TYK2: variants seen among roughly 807,000 people sequenced by gnomAD.
The protein encoded by TYK2 is non-receptor tyrosine-protein kinase TYK2.
A neutral mutation model predicts 130.9 loss-of-function variants in TYK2; 65 were observed. That is an observed-to-expected ratio of 0.50 (90% CI 0.41 to 0.61). The LOEUF is 0.61. Ranked by LOEUF, TYK2 falls within the 20% of genes least tolerant of loss-of-function variation. TYK2 has a pLI of 0.00. For synonymous variants in TYK2, 647 were observed against 658.9 expected (o/e 0.98, Z 0.28); for missense variants, 1,378 against 1,610.7 (o/e 0.86, Z 2.47).
At chr19:10,357,517 C>T (rs776570155) in intron 17 of TYK2, 2 of 712,588 alleles carry the variant, frequency 2.8e-6, no homozygotes, top group South Asian at 3.0e-5. Context: ...CTGCCCTGGT[C>T]ACTCTGCCTA....
Position 10,358,154 on chromosome 19 carries a change from G to GA in TYK2, c.2176-17dup. ...TCTTGTTCTCCTGAGGTGGGCAGGA[G>GA]AGGGGGTGTGGCCACTCAGGAGAGG... On this transcript the variant is annotated splice_polypyrimidine_tract_variant and intron_variant, in intron 15 of 24. Coordinates refer to ENST00000525621, the MANE Select transcript of TYK2 (RefSeq NM_003331.5). The GA allele has an allele frequency of 4.4e-6, 7 of 1,597,330 alleles. No homozygotes were observed. The highest frequency in any genetic ancestry group is 6.0e-6 in the Non-Finnish European group (7 of 1,172,494).
In TYK2 at chr19:10,357,782, C is replaced by T. The variant is rs200110018; in HGVS notation, c.2448G>A (p.Gln816=). The change falls in exon 17 of 25, where the codon CAG becomes CAA. Residue 816 remains glutamine, a synonymous_variant. Transcript: ENST00000525621. The stretch of plus-strand genomic sequence containing the variant: ...GACATACCTCGGAGGGACTGCGGCT[C>T]TGCAGAGGGGCCTCTCCGTCAAAGC... ...EICFDGEAPL[Q]SRSPSEKEHF... 6.2e-7 allele frequency: 1 copy of T among 1,612,336 alleles called. No homozygotes were observed. The highest frequency in any genetic ancestry group is 8.5e-7 in the Non-Finnish European group (1 of 1,179,450).
intron 3 of TYK2, among the ~76,000 whole-genome samples, chr19:10,377,400 GTGGATGGATGGATGGATGGATGGA>G (rs766675211): frequency 9.5e-6 from 1 of 105,342 alleles, no homozygotes; most frequent in African/African-American, 3.9e-5. Flanking sequence ...GGGTGGGTGG[GTGGATGGATGGATGGATGGATGGA>G]TGGATGGATG....
chr19:10,376,749 C>T (rs1362356255), intron 3 of TYK2, among the ~76,000 whole-genome samples: 1 of 152,034 alleles, frequency 6.6e-6, no homozygotes, highest in African/African-American at 2.4e-5. Flanking sequence ...ATTACAGGTG[C>T]GCACCCCACG....
chr19:10,364,567 T>A lies in TYK2; in HGVS notation c.1367+47A>T. 6.2e-7 allele frequency: 1 copy of A among 1,608,952 alleles called. No individual in the cohort carries two copies. Among genetic ancestry groups the A allele is most frequent in the South Asian group, 1.1e-5 (1 of 90,970 alleles). ...ACAGCCCCTAGGGCTCACAGTCTAG[T>A]TGGCACCCTTGGCGGTGGCCCCCAG... is the stretch of plus-strand genomic sequence containing the variant. On this transcript the variant is annotated intron_variant, in intron 9 of 24. Transcript: ENST00000525621. The surrounding 1 kb of genome is among the most constrained non-coding windows in gnomAD (Gnocchi z 4.9).
In TYK2 at chr19:10,353,680, G is replaced by C. The variant is rs762898203; in HGVS notation, c.2909-34C>G. 3 of 1,438,776 alleles carry C rather than the reference G, an allele frequency of 2.1e-6. No individual in the cohort carries two copies. Among genetic ancestry groups the C allele is most frequent in the Non-Finnish European group, 2.8e-6 (3 of 1,083,518 alleles). 89.1% of individuals were successfully genotyped at this position (1,438,776 alleles called of 1,614,324 possible). A position where few individuals can be genotyped will look rare whatever the true frequency, so the allele number is the denominator to read the frequency against. ...GAGAGGGGCGGCCCCGGTGGGGGAC[G>C]ATAGAGGGCGGGCCGGGGACCGCCT... is the stretch of plus-strand genomic sequence containing the variant. On this transcript the variant is annotated intron_variant, in intron 20 of 24. Coordinates refer to ENST00000525621, the MANE Select transcript of TYK2 (RefSeq NM_003331.5). The surrounding 1 kb of genome is among the most constrained non-coding windows in gnomAD (Gnocchi z 6.9).
rs1195575531 is a variant in TYK2, at chr19:10,361,437, G to A, written c.2047+74C>T. 1.5e-6 allele frequency: 2 copies of A among 1,351,174 alleles called. No homozygotes were observed. The highest frequency in any genetic ancestry group is 5.4e-5 in the East Asian group (2 of 36,978). 83.7% of individuals were successfully genotyped at this position (1,351,174 alleles called of 1,614,324 possible). A position where few individuals can be genotyped will look rare whatever the true frequency, so the allele number is the denominator to read the frequency against. On this transcript the variant is annotated intron_variant, in intron 14 of 24. Transcript: ENST00000525621. This position sits in a 1 kb window ranked among gnomAD's most constrained non-coding sequence, Gnocchi z 4.0. The stretch of plus-strand genomic sequence containing the variant: ...GGTTGGGGTGTAGGTCGAGGGTTGG[G>A]GTACAGATCAGGGAGTGGGTATAAG...
chr19:10,362,217 G>A (rs201813147), intron 11 of TYK2, 36 bp from the exon 12 acceptor site: 5 of 1,613,584 alleles, frequency 3.1e-6, no homozygotes, highest in African/African-American at 2.7e-5. Flanking sequence ...GGGCGGGCCT[G>A]GGGGAGAGAT....
rs548380873 is a variant in TYK2, at chr19:10,354,660, G to C, written c.2618-51C>G. The C allele has an allele frequency of 2.2e-5, 33 of 1,497,236 alleles. No individual in the cohort carries two copies. The South Asian group carries it at 3.4e-4, about 15-fold the overall frequency. 92.7% of individuals were successfully genotyped at this position (1,497,236 alleles called of 1,614,324 possible). On this transcript the variant is annotated intron_variant, in intron 18 of 24. Coordinates refer to ENST00000525621, the MANE Select transcript of TYK2 (RefSeq NM_003331.5). Reference sequence around the variant, plus strand: ...CCTGACCCCGATCCTTTCCCCAGCAGGCCCACACTTGGGAGTCACAAAGCC... The same window carrying C: ...CCTGACCCCGATCCTTTCCCCAGCACGCCCACACTTGGGAGTCACAAAGCC...
chr19:10,376,523 G>C, intron 3 of TYK2, among the ~76,000 whole-genome samples: 1 of 122,546 alleles, frequency 8.2e-6, no homozygotes. Context: ...GGCCAGGCTG[G>C]TCTTGAACTC....
rs984833553 is a variant in TYK2 at position 10,373,327 on chromosome 19, G to A, written c.193+4887C>T. On this transcript the variant is annotated intron_variant, in intron 3 of 24. Transcript: ENST00000525621. ...CGCAAGGATTACAAGTGTGAGCTACGGCACCTGGCCAATGTTTCATATTTT... is the reference window on the plus strand; with the variant it reads ...CGCAAGGATTACAAGTGTGAGCTACAGCACCTGGCCAATGTTTCATATTTT... 3.3e-5 allele frequency among the ~76,000 whole-genome samples: 5 copies of A among 150,538 alleles called. No individual in the cohort carries two copies. In the East Asian group the frequency reaches 5.9e-4, roughly 18 times the overall value.
In TYK2 at chr19:10,358,288, TTTC is replaced by T. The variant is rs1235496888; in HGVS notation, c.2176-153_2176-151del. The T allele has an allele frequency of 1.6e-5, 12 of 741,314 alleles. No individual in the cohort carries two copies. In the East Asian group the frequency reaches 2.8e-4, roughly 17 times the overall value. 45.9% of individuals were successfully genotyped at this position (741,314 alleles called of 1,614,324 possible). The stretch of plus-strand genomic sequence containing the variant: ...GTTTTGTTTTTTGGGGGGTTATTTT[TTTC>T]TTGTTTTTTTTTTTTTTTTTTTTTT... On this transcript the variant is annotated intron_variant, in intron 15 of 24. Transcript: ENST00000525621.
At position 10,353,950 on chromosome 19, in the gene TYK2, T is replaced by A; in HGVS notation, c.2908+92A>T. The A allele has an allele frequency of 2.2e-6, 3 of 1,361,616 alleles. No homozygotes were observed. The highest frequency in any genetic ancestry group is 3.1e-6 in the Non-Finnish European group (3 of 964,956). The allele number at this position is 1,361,616 out of a possible 1,614,324, so 84.3% of individuals were successfully genotyped here. ...GCAGCCTGGGGTTGAGAGTCTCTAA[T>A]TGGCTAGGCCAGACTGGCCCCGCCC... On this transcript the variant is annotated intron_variant, in intron 20 of 24. Coordinates refer to ENST00000525621, the MANE Select transcript of TYK2 (RefSeq NM_003331.5). This position sits in a 1 kb window ranked among gnomAD's most constrained non-coding sequence, Gnocchi z 6.9.
At chr19:10,370,974 T>C (rs2145299341) in intron 3 of TYK2, among the ~76,000 whole-genome samples, 1 of 151,396 alleles carries the variant, frequency 6.6e-6, no homozygotes. Flanking sequence ...CCCTCATCTC[T>C]AAAAAAACTA....
chr19:10,352,804 C>CTAGGCCCCACCCCCGCACG, intron 22 of TYK2, 122 bp downstream of exon 22: 1 of 1,326,176 alleles, frequency 7.5e-7, no homozygotes, highest in Non-Finnish European at 1.0e-6. Context: ...ACCCCCGCAC[C>CTAGGCCCCACCCCCGCACG]GCTAGGCCCC....
In TYK2 at chr19:10,367,868, C is replaced by G. The variant is rs34093308; in HGVS notation, c.465+187G>C. Reference sequence around the variant, plus strand: ...CTGGGAGGCGGAGCTTGCAGTGAGCCGAGATCACATCACTGCACTTCAGCC... The same window carrying G: ...CTGGGAGGCGGAGCTTGCAGTGAGCGGAGATCACATCACTGCACTTCAGCC... On this transcript the variant is annotated intron_variant, in intron 5 of 24. Transcript: ENST00000525621. 8.7e-5 allele frequency among the ~76,000 whole-genome samples: 13 copies of G among 149,662 alleles called. No individual in the cohort carries two copies. The East Asian group carries it at 2.5e-3, about 29-fold the overall frequency.
At chr19:10,366,642 G>GT in intron 5 of TYK2, 62 bp from the exon 6 acceptor site, 1 of 1,595,466 alleles carries the variant, frequency 6.3e-7, no homozygotes, top group African/African-American at 1.3e-5. Flanking sequence ...TAGCCCAGAG[G>GT]TATCCAATCT....
At position 10,353,999 on chromosome 19, in the gene TYK2, C is replaced by T. The variant is rs755830159; in HGVS notation, c.2908+43G>A. ...CCACAAGGCCACACCCACGCTCTAA[C>T]CACGCCCCCTCAAGTCTCTAGGACT... On this transcript the variant is annotated intron_variant, in intron 20 of 24. Coordinates refer to ENST00000525621, the MANE Select transcript of TYK2 (RefSeq NM_003331.5). The surrounding 1 kb of genome is among the most constrained non-coding windows in gnomAD (Gnocchi z 6.9). 1.2e-6 allele frequency: 2 copies of T among 1,604,042 alleles called. No homozygotes were observed. The highest frequency in any genetic ancestry group is 1.1e-5 in the South Asian group (1 of 90,832).
At chr19:10,366,264 G>C (rs538839850) in intron 6 of TYK2, among the ~76,000 whole-genome samples, 153 bp downstream of exon 6, 1 of 151,738 alleles carries the variant, frequency 6.6e-6, no homozygotes, top group East Asian at 1.9e-4. Context: ...CCAAGATTGC[G>C]CCACTGTACT....
Sources: allele counts gnomAD v4.1 joint callset (sites outside exome capture counted in the v4.1 genomes callset), GRCh38; gene constraint gnomAD v4.1.1; non-coding constraint Gnocchi (gnomAD v3.1); transcripts MANE v1.5; gene names NCBI Gene and HGNC (gene_info 2026-07-23, HGNC 2026-07-21).